Variants in NEMF observed in about 807,000 individuals in gnomAD.
NEMF encodes the protein ribosome quality control complex subunit NEMF.
Under a neutral mutation model 162.2 loss-of-function variants are expected in NEMF, and 89 were observed. The ratio of observed to expected loss-of-function variants is 0.55; its 90% CI spans 0.46 to 0.65. NEMF has a LOEUF of 0.65. Among genes scored for constraint, NEMF ranks in the 30% least tolerant of loss-of-function variants. NEMF has a pLI of 0.00. For missense variants in NEMF, 1,133 were observed against 1,261.9 expected (o/e 0.90, Z 1.55); for synonymous variants, 421 against 404.5 (o/e 1.04, Z -0.49).
At chr14:49,847,393 G>T (rs569620887) in intron 3 of NEMF, among the ~76,000 whole-genome samples, 2 of 151,330 alleles carry the variant, frequency 1.3e-5, no homozygotes, top group East Asian at 4.0e-4. Context: ...TAGTAGAGAC[G>T]GGGTTTCTCC....
Position 49,820,742 on chromosome 14 carries a change from C to T in NEMF, c.1577+5125G>A, listed in dbSNP as rs1442003550. On this transcript the variant is annotated intron_variant, in intron 16 of 32. Transcript: ENST00000298310. ...GCCTGATTCTCCTGCCTCAGCCTGC[C>T]GAGTGCCTGCGATTGCAGGTGCGTG... 2.6e-5 allele frequency among the ~76,000 whole-genome samples: 4 copies of T among 152,252 alleles called. No individual in the cohort carries two copies. In the East Asian group the frequency reaches 5.8e-4, roughly 22 times the overall value.
At position 49,782,932 on chromosome 14, in the gene NEMF, TAAC is replaced by T; in HGVS notation, c.*1701_*1703del. 1.2e-6 allele frequency: 2 copies of T among 1,613,366 alleles called. No homozygotes were observed. Among genetic ancestry groups the T allele is most frequent in the Non-Finnish European group, 1.7e-6 (2 of 1,179,658 alleles). ...ACAGTGTTAATCAGAGGTTTGGTAG[TAAC>T]AACACTTCTGGATCTTAAGGCTTCA... On this transcript the variant is annotated 3_prime_UTR_variant, in exon 33 of 33. Coordinates refer to ENST00000298310, the MANE Select transcript of NEMF (RefSeq NM_004713.6).
chr14:49,799,934 C>G (rs1317044268), intron 23 of NEMF, among the ~76,000 whole-genome samples: 1 of 152,168 alleles, frequency 6.6e-6, no homozygotes, highest in Non-Finnish European at 1.5e-5. Flanking sequence ...AAACCTTCAC[C>G]AAATCCCTAT....
At chr14:49,797,264 C>T (rs1890732702) in intron 25 of NEMF, 1 of 151,964 alleles carries the variant, frequency 6.6e-6, no homozygotes, top group Non-Finnish European at 1.5e-5. Flanking sequence ...GTCTTTCCCA[C>T]CCTACAGTAG....
At chr14:49,792,091 C>G (rs989800225) in intron 26 of NEMF, among the ~76,000 whole-genome samples, 2 of 151,324 alleles carry the variant, frequency 1.3e-5, no homozygotes, top group African/African-American at 4.9e-5. Flanking sequence ...TGCAGTGAGC[C>G]AAGATTGCAA....
chr14:49,796,430 C>T, intron 25 of NEMF: 1 of 363,084 alleles, frequency 2.8e-6, no homozygotes, highest in South Asian at 2.1e-5. Context: ...TTCAGGTCCT[C>T]ATTACATCCC....
intron 16 of NEMF, chr14:49,820,220 G>A (rs1891933116): frequency 3.1e-6 from 1 of 324,388 alleles, no homozygotes; most frequent in Admixed American, 4.2e-5. Flanking sequence ...AAAGTGCTGG[G>A]ATAACAGGCA....
chr14:49,787,802 C>T (rs4255713), intron 28 of NEMF, among the ~76,000 whole-genome samples: 147,494 of 152,292 alleles, frequency 0.97, 71,620 homozygotes, highest in East Asian at 1. Context: ...AAAGCCAAAA[C>T]GAGTTTTAGT....
At chr14:49,852,020 G>A in intron 1 of NEMF, 145 bp from the exon 2 acceptor site, 2 of 571,184 alleles carry the variant, frequency 3.5e-6, no homozygotes, top group Non-Finnish European at 6.1e-6. Flanking sequence ...AAAGCCATTT[G>A]GAGATTCAGT....
intron 4 of NEMF, among the ~76,000 whole-genome samples, chr14:49,844,116 A>T (rs530476284): frequency 2.6e-5 from 4 of 151,058 alleles, no homozygotes; most frequent in Non-Finnish European, 3.0e-5. Flanking sequence ...AAAAACCAAA[A>T]CAAAACAAAA....
At chr14:49,846,691 C>T (rs1296868378) in intron 3 of NEMF, among the ~76,000 whole-genome samples, 1 of 152,190 alleles carries the variant, frequency 6.6e-6, no homozygotes, top group Non-Finnish European at 1.5e-5. Context: ...TCTCAAACTC[C>T]TGGGCACAAG....
In NEMF at chr14:49,851,521, G is replaced by T. The variant is rs768055746; in HGVS notation, c.231+42C>A. ...CCCAATTAAAAACTTAATTGTTAGT[G>T]AGCAATCTCTTAAAATTTAGCTTCA... is the stretch of plus-strand genomic sequence containing the variant. On this transcript the variant is annotated intron_variant, in intron 3 of 32. Transcript: ENST00000298310. The T allele has an allele frequency of 2.3e-6, 3 of 1,326,748 alleles. No individual in the cohort carries two copies. The South Asian group carries it at 3.5e-5, about 16-fold the overall frequency. The allele number at this position is 1,326,748 out of a possible 1,614,324, so 82.2% of individuals were successfully genotyped here. A position where few individuals can be genotyped will look rare whatever the true frequency, so the allele number is the denominator to read the frequency against.
intron 4 of NEMF, chr14:49,845,868 A>G: frequency 2.0e-6 from 1 of 487,924 alleles, no homozygotes; most frequent in Non-Finnish European, 3.6e-6. Context: ...TAGTCCTGAA[A>G]TGTCAAGTAC....
At chr14:49,819,261 A>C (rs879649932) in intron 16 of NEMF, among the ~76,000 whole-genome samples, 2 of 152,108 alleles carry the variant, frequency 1.3e-5, no homozygotes, top group African/African-American at 4.8e-5. Flanking sequence ...AAATTTGCTG[A>C]GAGTATATTT....
At chr14:49,810,789 G>A (rs1891439196) in intron 18 of NEMF, among the ~76,000 whole-genome samples, 3 of 152,270 alleles carry the variant, frequency 2.0e-5, no homozygotes, top group South Asian at 2.1e-4. Flanking sequence ...TCAGGAGCTC[G>A]ACACTAGTCT....
intron 24 of NEMF, 44 bp from the exon 25 acceptor site, chr14:49,799,568 CT>C (rs776841108): frequency 2.5e-6 from 4 of 1,598,226 alleles, no homozygotes; most frequent in Non-Finnish European, 1.7e-6. Flanking sequence ...TCACTATTAA[CT>C]TTTTTGAAAA....
chr14:49,851,827 T>C lies in NEMF; in HGVS notation c.108A>G (p.Thr36=). The change falls in exon 2 of 33, where the codon ACA becomes ACG. Residue 36 remains threonine, a synonymous_variant. Transcript: ENST00000298310. ...CTTACTTTTGAAGACGAATAAGGTA[T>C]GTCTTATTATCCACATCATAAACAT... ...VNNVYDVDNK[T]YLIRLQKPDF... The C allele has an allele frequency of 1.3e-6, 2 of 1,580,708 alleles. No individual in the cohort carries two copies. The highest frequency in any genetic ancestry group is 8.6e-7 in the Non-Finnish European group (1 of 1,157,540).
At chr14:49,820,770 G>A (rs1044307590) in intron 16 of NEMF, among the ~76,000 whole-genome samples, 5 of 152,160 alleles carry the variant, frequency 3.3e-5, no homozygotes, top group Middle Eastern at 3.4e-3. Context: ...GGTGCGTGCC[G>A]CCACGCCTGA....
At chr14:49,791,278 T>C (rs1232315403) in intron 26 of NEMF, among the ~76,000 whole-genome samples, 2 of 151,442 alleles carry the variant, frequency 1.3e-5, no homozygotes, top group Non-Finnish European at 2.9e-5. Context: ...GAGGTTGCAG[T>C]GAGCTGAGAT....
Sources: gnomAD v4.1 joint callset for allele counts (sites outside exome capture counted in the v4.1 genomes callset) on GRCh38, gnomAD v4.1.1 for gene constraint, MANE v1.5 for transcripts, NCBI Gene and HGNC (gene_info 2026-07-23, HGNC 2026-07-21) for gene names.